CNOT10: variants seen among roughly 807,000 people sequenced by gnomAD.
CNOT10 encodes CCR4-NOT transcription complex subunit 10.
A neutral mutation model predicts 94.6 loss-of-function variants in CNOT10; 30 were observed. The ratio of observed to expected loss-of-function variants is 0.32; its 90% CI spans 0.24 to 0.43. The LOEUF (loss-of-function observed/expected upper bound fraction) is 0.43. Among genes scored for constraint, CNOT10 ranks in the 20% least tolerant of loss-of-function variants. CNOT10 has a pLI of 1.00. For synonymous variants in CNOT10, 289 were observed against 301.6 expected (o/e 0.96, Z 0.43); for missense variants, 759 against 877.2 (o/e 0.87, Z 1.70).
intron 14 of CNOT10, among the ~76,000 whole-genome samples, chr3:32,760,901 G>A (rs1387862041): frequency 1.3e-5 from 2 of 151,772 alleles, no homozygotes; most frequent in Non-Finnish European, 2.9e-5. Flanking sequence ...GGCCTACCTG[G>A]GCAAATCATT....
chr3:32,704,027 A>G, intron 2 of CNOT10, 65 bp downstream of exon 2: 1 of 982,548 alleles, frequency 1.0e-6, no homozygotes, highest in Non-Finnish European at 1.5e-6. Flanking sequence ...ATCTTTTCAT[A>G]GTGAATTTTT....
intron 18 of CNOT10, among the ~76,000 whole-genome samples, chr3:32,771,624 A>AT (rs1700912493): frequency 6.6e-6 from 1 of 152,062 alleles, no homozygotes; most frequent in South Asian, 2.1e-4. Flanking sequence ...ATAAATACCT[A>AT]TATCTATCTA....
rs78053300 is a variant in CNOT10, at chr3:32,691,919, G to T, written c.22+6437G>T. 2.5e-3 allele frequency among the ~76,000 whole-genome samples: 379 copies of T among 151,788 alleles called. 2 individuals are homozygous for T. Among genetic ancestry groups the T allele is most frequent in the East Asian group, 0.018 (90 of 5,132 alleles). ...AAAAATGTAAAAAATTAGTGGTGGC[G>T]CATGCCTGTAGTCCCACCTACAAGG... On this transcript the variant is annotated intron_variant, in intron 1 of 18. Coordinates refer to ENST00000328834, the MANE Select transcript of CNOT10 (RefSeq NM_015442.3).
chr3:32,733,067 C>G (rs983858959), intron 10 of CNOT10, among the ~76,000 whole-genome samples: 4 of 152,054 alleles, frequency 2.6e-5, no homozygotes, highest in Admixed American at 6.6e-5. Flanking sequence ...ATTTTGGGCT[C>G]TCTTATTTTC....
At chr3:32,712,008 GA>G (rs1697912025) in intron 4 of CNOT10, among the ~76,000 whole-genome samples, 1 of 151,284 alleles carries the variant, frequency 6.6e-6, no homozygotes, top group African/African-American at 2.4e-5. Flanking sequence ...CTTCTTTTTT[GA>G]AAGGAAAGAT....
At chr3:32,721,776 A>G (rs1457629023) in intron 8 of CNOT10, among the ~76,000 whole-genome samples, 1 of 150,834 alleles carries the variant, frequency 6.6e-6, no homozygotes, top group East Asian at 2.0e-4. Flanking sequence ...CCTCCCGAGT[A>G]GCTGAGACTA....
At chr3:32,714,265 T>A (rs1193318790) in intron 5 of CNOT10, among the ~76,000 whole-genome samples, 1 of 152,170 alleles carries the variant, frequency 6.6e-6, no homozygotes, top group African/African-American at 2.4e-5. Flanking sequence ...TCCTAATGAC[T>A]AAGGATGTAC....
In CNOT10 at chr3:32,716,287, A is replaced by G. The variant is rs959065159; in HGVS notation, c.636A>G (p.Glu212=). The G allele has an allele frequency of 6.2e-7, 1 of 1,600,192 alleles. No individual in the cohort carries two copies. The highest frequency in any genetic ancestry group is 8.5e-7 in the Non-Finnish European group (1 of 1,171,356). ...AAGCTGAAAGTGGAGCTCTAATAGA[A>G]GCTGCAAAATCAAAGATACATCAGG... The part of the protein sequence containing the change: ...NHKAESGALI[E]AAKSKIHQYK... The change falls in exon 6 of 19, where the codon GAA becomes GAG. Residue 212 remains glutamate, a synonymous_variant. Coordinates refer to ENST00000328834, the MANE Select transcript of CNOT10 (RefSeq NM_015442.3).
chr3:32,689,997 G>A (rs1051899377), intron 1 of CNOT10, among the ~76,000 whole-genome samples: 1 of 152,094 alleles, frequency 6.6e-6, no homozygotes, highest in Admixed American at 6.6e-5. Flanking sequence ...ATAGCATAGG[G>A]AGCAAAGGCA....
At chr3:32,728,830 G>A (rs916460656) in intron 10 of CNOT10, among the ~76,000 whole-genome samples, 5 of 151,410 alleles carry the variant, frequency 3.3e-5, no homozygotes, top group African/African-American at 4.9e-5. Flanking sequence ...AGCCAGGTGC[G>A]GTGGTCACGC....
At chr3:32,701,859 C>A (rs1026199247) in intron 1 of CNOT10, among the ~76,000 whole-genome samples, 5 of 152,208 alleles carry the variant, frequency 3.3e-5, no homozygotes, top group African/African-American at 7.2e-5. Flanking sequence ...GTGGTGCAAT[C>A]TCGGCTCACT....
chr3:32,729,425 G>A (rs79431639), intron 10 of CNOT10, among the ~76,000 whole-genome samples: 1,976 of 152,272 alleles, frequency 0.013, 36 homozygotes, highest in African/African-American at 0.045. Context: ...TGCCCTTGCT[G>A]TGCTTTTTGG....
Position 32,685,223 on chromosome 3 carries a change from T to A in CNOT10, c.-238T>A, listed in dbSNP as rs1305764763. ...GGGACGCCGTGAGGCGGAAGCTGTG[T>A]ATGGCGGGAGGCTGTGGCGGTCCCT... On this transcript the variant is annotated 5_prime_UTR_variant, in exon 1 of 19. Transcript: ENST00000328834. The A allele has an allele frequency of 4.1e-6, 2 of 484,176 alleles. No homozygotes were observed. The highest frequency in any genetic ancestry group is 7.4e-5 in the Admixed American group (2 of 26,882). The allele number at this position is 484,176 out of a possible 1,614,324, so 30.0% of individuals were successfully genotyped here. A position where few individuals can be genotyped will look rare whatever the true frequency, so the allele number is the denominator to read the frequency against.
intron 8 of CNOT10, among the ~76,000 whole-genome samples, chr3:32,721,740 G>A (rs924212042): frequency 6.7e-6 from 1 of 149,272 alleles, no homozygotes; most frequent in Middle Eastern, 3.2e-3. Flanking sequence ...TCTGCCTCCT[G>A]GGTTCGCGAC....
At chr3:32,728,763 T>A (rs1698798693) in intron 10 of CNOT10, among the ~76,000 whole-genome samples, 3 of 152,166 alleles carry the variant, frequency 2.0e-5, no homozygotes, top group Non-Finnish European at 1.5e-5. Context: ...TCAGGATACA[T>A]GCATCTGCTG....
intron 13 of CNOT10, chr3:32,753,475 G>C: frequency 6.4e-7 from 1 of 1,559,570 alleles, no homozygotes; most frequent in Non-Finnish European, 8.8e-7. Flanking sequence ...TTTGAAACTG[G>C]AACTTCATCC....
intron 1 of CNOT10, among the ~76,000 whole-genome samples, chr3:32,686,599 G>C (rs1165969116): frequency 6.6e-6 from 1 of 152,156 alleles, no homozygotes; most frequent in Non-Finnish European, 1.5e-5. Context: ...GATGATATTT[G>C]AGCAGAGATA....
intron 8 of CNOT10, among the ~76,000 whole-genome samples, chr3:32,722,531 G>A (rs1698468971): frequency 1.3e-5 from 2 of 152,150 alleles, no homozygotes; most frequent in African/African-American, 4.8e-5. Context: ...TAAAATGAAG[G>A]CAGGAGCTGG....
At chr3:32,687,286 G>GC (rs1353069612) in intron 1 of CNOT10, among the ~76,000 whole-genome samples, 75 of 149,984 alleles carry the variant, frequency 5.0e-4, no homozygotes, top group African/African-American at 9.6e-4. Flanking sequence ...CCTCACTGTC[G>GC]CCCCCCGCTT....
Sources: allele counts gnomAD v4.1 joint callset (sites outside exome capture counted in the v4.1 genomes callset), GRCh38; gene constraint gnomAD v4.1.1; transcripts MANE v1.5; gene names NCBI Gene and HGNC (gene_info 2026-07-23, HGNC 2026-07-21).